The following PPFIA2 variants were observed in gnomAD, a reference collection of about 807,000 sequenced individuals.
PPFIA2 encodes liprin-alpha-2.
Under a neutral mutation model 175.5 loss-of-function variants are expected in PPFIA2, and 46 were observed. The ratio of observed to expected loss-of-function variants is 0.26; its 90% CI spans 0.21 to 0.34. The LOEUF is 0.34. Among genes scored for constraint, PPFIA2 ranks in the 10% least tolerant of loss-of-function variants. PPFIA2 has a pLI of 1.00. For synonymous variants in PPFIA2, 568 were observed against 511.4 expected (o/e 1.11, Z -1.49); for missense variants, 1,179 against 1,506.1 (o/e 0.78, Z 3.60).
At chr12:81,505,097 T>C (rs2061004734) in intron 4 of PPFIA2, among the ~76,000 whole-genome samples, 1 of 152,080 alleles carries the variant, frequency 6.6e-6, no homozygotes, top group African/African-American at 2.4e-5. Context: ...AAATATATTC[T>C]GATTTAGTGA....
intron 4 of PPFIA2, among the ~76,000 whole-genome samples, chr12:81,563,746 G>C (rs1922411): frequency 0.01 from 1,596 of 152,272 alleles, 30 homozygotes; most frequent in African/African-American, 0.033. Context: ...ACACTAGTCA[G>C]TCGTTATTCA....
At chr12:81,714,046 C>G (rs1290135615) in intron 3 of PPFIA2, among the ~76,000 whole-genome samples, 2 of 150,936 alleles carry the variant, frequency 1.3e-5, no homozygotes, top group African/African-American at 2.4e-5. Flanking sequence ...TGGAAGAAGA[C>G]TATTTTAGGA....
intron 4 of PPFIA2, among the ~76,000 whole-genome samples, chr12:81,654,123 AAAGTACTAGC>A (rs1419524676): frequency 6.6e-6 from 1 of 152,080 alleles, no homozygotes; most frequent in East Asian, 1.9e-4. Flanking sequence ...TGTAGAATGA[AAAGTACTAGC>A]GAAGAAGAAA....
At chr12:81,474,339 T>C (rs919480260) in intron 4 of PPFIA2, among the ~76,000 whole-genome samples, 1 of 152,282 alleles carries the variant, frequency 6.6e-6, no homozygotes, top group East Asian at 1.9e-4. Context: ...GTATTTTTAG[T>C]AGAGACGGGG....
At chr12:81,610,286 T>G (rs891118010) in intron 4 of PPFIA2, among the ~76,000 whole-genome samples, 2 of 152,204 alleles carry the variant, frequency 1.3e-5, no homozygotes, top group Admixed American at 1.3e-4. Context: ...CATGTCAACC[T>G]CTCTAGTGAG....
chr12:81,485,397 T>A lies in PPFIA2; in HGVS notation c.304-27531A>T, dbSNP rs568511952. Reference sequence around the variant, plus strand: ...ACATACTCAATAAATATATATTTTTTAAAAATCCTTAACCTATAAGTTAGT... The same window carrying A: ...ACATACTCAATAAATATATATTTTTAAAAAATCCTTAACCTATAAGTTAGT... On this transcript the variant is annotated intron_variant, in intron 4 of 32. Transcript: ENST00000549396. Among the ~76,000 whole-genome samples the A allele has an allele frequency of 8.6e-4, 130 of 151,886 alleles. 1 individual carries two copies. Among genetic ancestry groups the A allele is most frequent in the African/African-American group, 2.0e-3 (82 of 41,520 alleles).
At chr12:81,530,692 A>G (rs567617666) in intron 4 of PPFIA2, among the ~76,000 whole-genome samples, 1 of 151,858 alleles carries the variant, frequency 6.6e-6, no homozygotes, top group South Asian at 2.1e-4. Flanking sequence ...TCTCCTTAGT[A>G]GTACACAGTA....
At chr12:81,484,118 T>C (rs2058557927) in intron 4 of PPFIA2, among the ~76,000 whole-genome samples, 1 of 152,006 alleles carries the variant, frequency 6.6e-6, no homozygotes, top group East Asian at 1.9e-4. Flanking sequence ...AATTCTACAA[T>C]ATCCTGGTAC....
At chr12:81,651,519 C>CTACT (rs2067018591) in intron 4 of PPFIA2, among the ~76,000 whole-genome samples, 1 of 152,014 alleles carries the variant, frequency 6.6e-6, no homozygotes, top group Non-Finnish European at 1.5e-5. Context: ...TCTTACTACT[C>CTACT]TCTCTTTCCC....
intron 4 of PPFIA2, among the ~76,000 whole-genome samples, chr12:81,473,420 C>CA (rs1566969772): frequency 6.6e-6 from 1 of 151,808 alleles, no homozygotes; most frequent in African/African-American, 2.4e-5. Context: ...AACAAACAAA[C>CA]AAAAAAATTC....
At chr12:81,706,617 C>T (rs946785800) in intron 3 of PPFIA2, among the ~76,000 whole-genome samples, 4 of 152,182 alleles carry the variant, frequency 2.6e-5, no homozygotes, top group East Asian at 3.9e-4. Flanking sequence ...AATACCCGGC[C>T]GTGTGAGGTG....
intron 7 of PPFIA2, among the ~76,000 whole-genome samples, chr12:81,432,585 C>A (rs569746814): frequency 7.3e-5 from 11 of 151,670 alleles, no homozygotes; most frequent in Non-Finnish European, 1.3e-4. Context: ...CCTGCCTCAG[C>A]CTCCTGAGTA....
chr12:81,641,954 C>G (rs1012221267), intron 4 of PPFIA2, among the ~76,000 whole-genome samples: 4 of 152,148 alleles, frequency 2.6e-5, no homozygotes, highest in South Asian at 2.1e-4. Context: ...TATATTTTAA[C>G]ACTTTCATAT....
intron 4 of PPFIA2, among the ~76,000 whole-genome samples, chr12:81,491,205 CTTT>C: frequency 7.7e-6 from 1 of 130,304 alleles, no homozygotes; most frequent in African/African-American, 3.3e-5. Flanking sequence ...TCTGGAATTA[CTTT>C]TTTTGTTTTT....
chr12:81,392,714 A>T (rs1350905251), intron 8 of PPFIA2, among the ~76,000 whole-genome samples: 4 of 152,016 alleles, frequency 2.6e-5, no homozygotes, highest in African/African-American at 2.4e-5. Context: ...CAATTTTCAC[A>T]CTTGGCTGTC....
chr12:81,512,156 C>T, intron 4 of PPFIA2: 1 of 347,328 alleles, frequency 2.9e-6, no homozygotes, highest in Non-Finnish European at 5.2e-6. Context: ...TCAATGTCAG[C>T]ATGTTAGCTA....
At position 81,707,713 on chromosome 12, in the gene PPFIA2, A is replaced by G. The variant is rs372823013; in HGVS notation, c.250-30869T>C. Among the ~76,000 whole-genome samples the G allele has an allele frequency of 1.1e-3, 168 of 151,430 alleles. No homozygotes were observed. In the South Asian group the frequency reaches 0.017, roughly 15 times the overall value. ...CTATAAATCATGCTGCTATAAAGAC[A>G]CATGCACACGTATGTTTATTGCGGC... On this transcript the variant is annotated intron_variant, in intron 3 of 32. Transcript: ENST00000549396.
intron 4 of PPFIA2, among the ~76,000 whole-genome samples, chr12:81,611,019 G>T (rs907145184): frequency 6.6e-6 from 1 of 152,166 alleles, no homozygotes; most frequent in African/African-American, 2.4e-5. Flanking sequence ...TTTGGACTGT[G>T]ATCCTGTAGA....
At chr12:81,607,040 G>A (rs1199803007) in intron 4 of PPFIA2, among the ~76,000 whole-genome samples, 3 of 152,028 alleles carry the variant, frequency 2.0e-5, no homozygotes, top group Admixed American at 6.6e-5. Context: ...TGGCTAGCCC[G>A]TTATCCCAGC....
Sources: allele counts gnomAD v4.1 joint callset (sites outside exome capture counted in the v4.1 genomes callset), GRCh38; gene constraint gnomAD v4.1.1; transcripts MANE v1.5; gene names NCBI Gene and HGNC (gene_info 2026-07-23, HGNC 2026-07-21).